Variants in SLC14A1 observed in about 807,000 individuals in gnomAD.
SLC14A1 encodes the protein urea transporter 1.
Under a neutral mutation model 39.6 loss-of-function variants are expected in SLC14A1, and 36 were observed. That is an observed-to-expected ratio of 0.91 (90% CI 0.70 to 1.20). The LOEUF is 1.20. Ranked by LOEUF, SLC14A1 falls within the 50% of genes most tolerant of loss-of-function variation. The pLI is 0.00. For missense variants in SLC14A1, 469 were observed against 478.7 expected (o/e 0.98, Z 0.19); for synonymous variants, 164 against 173.6 (o/e 0.94, Z 0.43).
At position 45,749,807 on chromosome 18, in the gene SLC14A1, C is replaced by T. The variant is rs1568050813; in HGVS notation, c.1026C>T (p.Phe342=). 1.2e-6 allele frequency: 2 copies of T among 1,614,196 alleles called. No individual in the cohort carries two copies. The highest frequency in any genetic ancestry group is 1.7e-6 in the Non-Finnish European group (2 of 1,180,032). ...GATTGCCAGCTTGTACCTGGCCCTTCTGTTTGGCCACGCTATTGTTCCTCA... is the reference window on the plus strand; with the variant it reads ...GATTGCCAGCTTGTACCTGGCCCTTTTGTTTGGCCACGCTATTGTTCCTCA... The part of the protein sequence containing the change: ...EVGLPACTWP[F]CLATLLFLIM... The change falls in exon 10 of 10, where the codon TTC becomes TTT. Residue 342 remains phenylalanine (F), a synonymous_variant. Transcript: ENST00000321925.
At chr18:45,732,693 C>T (rs2047068342) in intron 4 of SLC14A1, among the ~76,000 whole-genome samples, 1 of 152,194 alleles carries the variant, frequency 6.6e-6, no homozygotes, top group Admixed American at 6.5e-5. Context: ...CAGCATTAGG[C>T]CTCACCTACT....
At position 45,751,352 on chromosome 18, in the gene SLC14A1, A is replaced by AAAAAAAC; in HGVS notation, c.*1406_*1407insACAAAAA. The AAAAAAAC allele has an allele frequency of 2.2e-6, 2 of 908,536 alleles. No homozygotes were observed. Among genetic ancestry groups the AAAAAAAC allele is most frequent in the Non-Finnish European group, 2.6e-6 (2 of 781,156 alleles). The allele number at this position is 908,536 out of a possible 1,614,324, so 56.3% of individuals were successfully genotyped here. ...TGAAACTGTGTCTCTCAAAAAAAAA[A>AAAAAAAC]AAAAACAAACAAAAACAAAAACAAA... is the stretch of plus-strand genomic sequence containing the variant. On this transcript the variant is annotated 3_prime_UTR_variant, in exon 10 of 10. Coordinates refer to ENST00000321925, the MANE Select transcript of SLC14A1 (RefSeq NM_015865.7).
rs565541303 is a variant in SLC14A1, at chr18:45,724,697, T to C, written c.-85-253T>C. Among the ~76,000 whole-genome samples, 68 of 152,320 alleles carry C rather than the reference T, an allele frequency of 4.5e-4. 1 individual carries two copies. Among genetic ancestry groups the C allele is most frequent in the Middle Eastern group, 3.4e-3 (1 of 294 alleles). ...GACTCAAAAGAAAAAAGTGGGCCAC[T>C]GGGAATGGCCCTTTCCAGTGATGGA... On this transcript the variant is annotated intron_variant, in intron 1 of 9. Coordinates refer to ENST00000321925, the MANE Select transcript of SLC14A1 (RefSeq NM_015865.7).
intron 2 of SLC14A1, among the ~76,000 whole-genome samples, chr18:45,726,273 T>C (rs1382656371): frequency 6.6e-6 from 1 of 152,084 alleles, no homozygotes; most frequent in African/African-American, 2.4e-5. Flanking sequence ...TGGTAAAGGG[T>C]AGGTTTTCAG....
intron 8 of SLC14A1, among the ~76,000 whole-genome samples, chr18:45,742,352 G>GTTT (rs1491390496): frequency 1.9e-5 from 2 of 104,944 alleles, no homozygotes; most frequent in African/African-American, 4.2e-5. Context: ...TTTGTTTTTT[G>GTTT]GTTTTTTTTT....
rs980522951 is a variant in SLC14A1, at chr18:45,750,405, C to CT, written c.*463dup. ...CAGAATTCTGTGATAAGCAGCTTGG[C>CT]TTTTTTTTTAAATCAATGCAAGTTA... On this transcript the variant is annotated 3_prime_UTR_variant, in exon 10 of 10. Coordinates refer to ENST00000321925, the MANE Select transcript of SLC14A1 (RefSeq NM_015865.7). The CT allele has an allele frequency of 1.6e-4, 176 of 1,070,816 alleles. No individual in the cohort carries two copies. The highest frequency in any genetic ancestry group is 9.5e-4 in the African/African-American group (56 of 58,874). 66.3% of individuals were successfully genotyped at this position (1,070,816 alleles called of 1,614,324 possible).
At chr18:45,742,275 A>C (rs2047397028) in intron 8 of SLC14A1, among the ~76,000 whole-genome samples, 1 of 151,972 alleles carries the variant, frequency 6.6e-6, no homozygotes, top group Non-Finnish European at 1.5e-5. Context: ...TTCAAGATCA[A>C]GGAGAAGGCA....
intron 6 of SLC14A1, chr18:45,737,416 T>C (rs1258079863): frequency 6.6e-6 from 1 of 152,408 alleles, no homozygotes; most frequent in African/African-American, 2.4e-5. Context: ...TTCTGGATTA[T>C]CAAGAACAAG....
intron 6 of SLC14A1, 21 bp downstream of exon 6, chr18:45,736,669 A>C: frequency 1.9e-6 from 3 of 1,610,426 alleles, no homozygotes; most frequent in Non-Finnish European, 2.5e-6. Context: ...CTGGCTTCTC[A>C]CATTCGCCCT....
rs985142928 is a variant in SLC14A1 at position 45,731,584 on chromosome 18, C to T, written c.341+380C>T. 3.0e-5 allele frequency: 10 copies of T among 335,598 alleles called. 1 individual carries two copies. Among genetic ancestry groups the T allele is most frequent in the South Asian group, 2.1e-4 (8 of 38,864 alleles). The allele number at this position is 335,598 out of a possible 1,614,324, so 20.8% of individuals were successfully genotyped here. On this transcript the variant is annotated intron_variant, in intron 4 of 9. Coordinates refer to ENST00000321925, the MANE Select transcript of SLC14A1 (RefSeq NM_015865.7). ...AAAGTTTTAGTGGCTTAATAACCCC[C>T]GTTATATCTTGTTGCTATGATGAGT...
At chr18:45,749,347 A>C (rs1403818422) in intron 9 of SLC14A1, among the ~76,000 whole-genome samples, 2 of 152,070 alleles carry the variant, frequency 1.3e-5, no homozygotes, top group Non-Finnish European at 1.5e-5. Context: ...AATGGAAAGA[A>C]ACAAAGCAAG....
intron 2 of SLC14A1, chr18:45,729,579 A>G (rs2046968006): frequency 6.6e-6 from 1 of 152,214 alleles, no homozygotes; most frequent in Non-Finnish European, 1.5e-5. Context: ...AGCTTTGTCC[A>G]ATTCCATCTT....
In SLC14A1 at chr18:45,747,417, G is replaced by A. The variant is rs375472261; in HGVS notation, c.947-959G>A. Among the ~76,000 whole-genome samples, 18 of 152,242 alleles carry A rather than the reference G, an allele frequency of 1.2e-4. 2 individuals are homozygous for A. In the South Asian group the frequency reaches 2.9e-3, roughly 25 times the overall value. On this transcript the variant is annotated intron_variant, in intron 8 of 9. Transcript: ENST00000321925. ...AAAACATAAGACGTTGGCTGGGCGC[G>A]GTGGCTCATGCCTGTAATCCCAGCA...
chr18:45,733,788 G>A (rs1246901318), intron 4 of SLC14A1, among the ~76,000 whole-genome samples: 2 of 152,174 alleles, frequency 1.3e-5, no homozygotes, highest in East Asian at 1.9e-4. Context: ...GAACTGGGCC[G>A]CACAGCAGGA....
At chr18:45,739,828 G>A (rs1055536357) in intron 8 of SLC14A1, 166 bp downstream of exon 8, 2 of 797,958 alleles carry the variant, frequency 2.5e-6, no homozygotes, top group African/African-American at 3.4e-5. Context: ...CTCTCTGAGA[G>A]CATTAAAATC....
At position 45,751,159 on chromosome 18, in the gene SLC14A1, G is replaced by A. The variant is rs1445741888; in HGVS notation, c.*1208G>A. 32 of 475,360 alleles carry A rather than the reference G, an allele frequency of 6.7e-5. No homozygotes were observed. The highest frequency in any genetic ancestry group is 8.0e-5 in the Non-Finnish European group (29 of 364,516). The allele number at this position is 475,360 out of a possible 1,614,324, so 29.4% of individuals were successfully genotyped here. A position where few individuals can be genotyped will look rare whatever the true frequency, so the allele number is the denominator to read the frequency against. On this transcript the variant is annotated 3_prime_UTR_variant, in exon 10 of 10. Coordinates refer to ENST00000321925, the MANE Select transcript of SLC14A1 (RefSeq NM_015865.7). ...GTTCAAGACCAGCCTGGGCAGCATG[G>A]TGAAACCCTGTATCTACAAAAAATA...
intron 8 of SLC14A1, among the ~76,000 whole-genome samples, chr18:45,745,486 A>G (rs1191021016): frequency 1.3e-5 from 2 of 152,106 alleles, no homozygotes; most frequent in Non-Finnish European, 2.9e-5. Flanking sequence ...GGCTGTGGAG[A>G]TGGTGACTGT....
chr18:45,738,138 G>C (rs2047252378), intron 6 of SLC14A1, among the ~76,000 whole-genome samples: 1 of 152,208 alleles, frequency 6.6e-6, no homozygotes, highest in South Asian at 2.1e-4. Flanking sequence ...ATGGTCTGGT[G>C]CCCTTAGCCA....
chr18:45,742,353 GTTTT>G (rs34628652), intron 8 of SLC14A1, among the ~76,000 whole-genome samples: 1 of 118,054 alleles, frequency 8.5e-6, no homozygotes, highest in Non-Finnish European at 1.6e-5. Flanking sequence ...TTGTTTTTTG[GTTTT>G]TTTTTTTTTT....
Sources: gnomAD v4.1 joint callset for allele counts (sites outside exome capture counted in the v4.1 genomes callset) on GRCh38, gnomAD v4.1.1 for gene constraint, MANE v1.5 for transcripts, NCBI Gene and HGNC (gene_info 2026-07-23, HGNC 2026-07-21) for gene names.